Variants in CHST11 observed in about 807,000 individuals in gnomAD.
CHST11 encodes the protein C4S-1.
In CHST11, 9 loss-of-function variants were observed where a neutral mutation model predicts 30.4. The ratio of observed to expected loss-of-function variants is 0.30; its 90% CI spans 0.18 to 0.52. The LOEUF is 0.52. CHST11 is among the 20% of genes least tolerant of loss of function. The pLI is 0.97. For synonymous variants in CHST11, 152 were observed against 187.8 expected, an observed-to-expected ratio of 0.81 and a Z score of 1.56; for missense variants, 348 against 460.6, an observed-to-expected ratio of 0.76 and a Z score of 2.24.
intron 2 of CHST11, among the ~76,000 whole-genome samples, chr12:104,696,503 A>C (rs1005708938): frequency 7.4e-5 from 11 of 149,126 alleles, no homozygotes; most frequent in African/African-American, 1.8e-4. Context: ...AAAAAAAAAA[A>C]AAAACATAGC....
chr12:104,679,107 G>A (rs2039769373), intron 2 of CHST11, among the ~76,000 whole-genome samples: 2 of 152,134 alleles, frequency 1.3e-5, no homozygotes, highest in Non-Finnish European at 1.5e-5. Context: ...GACCTGTGAG[G>A]GTGGATGTTC....
chr12:104,686,590 A>G (rs943544281), intron 2 of CHST11, among the ~76,000 whole-genome samples: 16 of 152,336 alleles, frequency 1.1e-4, no homozygotes, highest in African/African-American at 3.8e-4. Flanking sequence ...AAAGTTACAA[A>G]GTAACTGCTA....
chr12:104,680,300 G>A (rs2039782301), intron 2 of CHST11, among the ~76,000 whole-genome samples: 1 of 152,256 alleles, frequency 6.6e-6, no homozygotes, highest in Non-Finnish European at 1.5e-5. Flanking sequence ...CAAATGCCAT[G>A]GGGACATCTC....
intron 2 of CHST11, among the ~76,000 whole-genome samples, chr12:104,696,775 A>G (rs910953629): frequency 7.2e-5 from 11 of 152,236 alleles, no homozygotes; most frequent in African/African-American, 2.4e-4. Context: ...AATTTACAAT[A>G]TAAATTCCAG....
intron 1 of CHST11, among the ~76,000 whole-genome samples, chr12:104,517,190 T>G (rs1391040508): frequency 6.6e-6 from 1 of 152,154 alleles, no homozygotes; most frequent in African/African-American, 2.4e-5. Flanking sequence ...AAATCTTGGG[T>G]GCACTGTAAG....
intron 2 of CHST11, among the ~76,000 whole-genome samples, chr12:104,606,084 A>G (rs1341317777): frequency 6.8e-6 from 1 of 147,646 alleles, no homozygotes; most frequent in Non-Finnish European, 1.5e-5. Flanking sequence ...TGCATAGGGC[A>G]CAGCAGATCC....
At chr12:104,479,751 T>C (rs2037601256) in intron 1 of CHST11, among the ~76,000 whole-genome samples, 1 of 152,262 alleles carries the variant, frequency 6.6e-6, no homozygotes, top group Non-Finnish European at 1.5e-5. Flanking sequence ...GCATGAACTT[T>C]TGATTCTGTT....
At chr12:104,516,680 ATTGGCCTCT>A (rs1415209301) in intron 1 of CHST11, among the ~76,000 whole-genome samples, 1 of 152,030 alleles carries the variant, frequency 6.6e-6, no homozygotes, top group African/African-American at 2.4e-5. Flanking sequence ...TCCATTGAAA[ATTGGCCTCT>A]TTGCCTGGGG....
chr12:104,621,573 A>C (rs975805560), intron 2 of CHST11, among the ~76,000 whole-genome samples: 1 of 152,248 alleles, frequency 6.6e-6, no homozygotes, highest in Non-Finnish European at 1.5e-5. Context: ...TAAGGGAGGC[A>C]GGAGTGTCAA....
chr12:104,460,389 C>T (rs1009720322), intron 1 of CHST11, among the ~76,000 whole-genome samples: 12 of 152,202 alleles, frequency 7.9e-5, no homozygotes, highest in South Asian at 2.1e-4. Context: ...GAAGGCAGGG[C>T]GCGGTGGCTC....
At chr12:104,654,007 T>C (rs980609690) in intron 2 of CHST11, among the ~76,000 whole-genome samples, 2 of 152,168 alleles carry the variant, frequency 1.3e-5, no homozygotes, top group Non-Finnish European at 2.9e-5. Context: ...GCCGTAGATA[T>C]GTGGTTGGTT....
chr12:104,557,062 A>T (rs1295901535), intron 1 of CHST11, among the ~76,000 whole-genome samples: 1 of 152,128 alleles, frequency 6.6e-6, no homozygotes, highest in Admixed American at 6.5e-5. Flanking sequence ...ACACTACTCC[A>T]GTATGACCTT....
intron 2 of CHST11, among the ~76,000 whole-genome samples, chr12:104,682,689 A>G (rs562611377): frequency 7.9e-5 from 12 of 152,362 alleles, no homozygotes; most frequent in African/African-American, 2.6e-4. Flanking sequence ...TAGCAATGGT[A>G]TCCTCCATAT....
At chr12:104,735,811 G>A (rs2040295686) in intron 2 of CHST11, among the ~76,000 whole-genome samples, 1 of 152,190 alleles carries the variant, frequency 6.6e-6, no homozygotes, top group African/African-American at 2.4e-5. Flanking sequence ...GGAAGGCAGT[G>A]GGGACTCGTC....
intron 1 of CHST11, among the ~76,000 whole-genome samples, chr12:104,532,127 G>A (rs994322255): frequency 6.6e-6 from 1 of 152,106 alleles, no homozygotes; most frequent in Non-Finnish European, 1.5e-5. Flanking sequence ...TCACACCCTG[G>A]CTTCCAGCCC....
At chr12:104,681,433 G>C (rs1566035848) in intron 2 of CHST11, among the ~76,000 whole-genome samples, 1 of 152,212 alleles carries the variant, frequency 6.6e-6, no homozygotes, top group Non-Finnish European at 1.5e-5. Context: ...ATAGGGCTTA[G>C]AAAGGGCATA....
chr12:104,605,136 T>C (rs1472093336), intron 2 of CHST11, among the ~76,000 whole-genome samples: 2 of 128,404 alleles, frequency 1.6e-5, no homozygotes, highest in Non-Finnish European at 3.2e-5. Context: ...TGGTGGGAGT[T>C]ACCCCATCCC....
chr12:104,499,573 T>C (rs2135973375), intron 1 of CHST11, among the ~76,000 whole-genome samples: 1 of 152,202 alleles, frequency 6.6e-6, no homozygotes, highest in East Asian at 1.9e-4. Flanking sequence ...CTTTGATAAA[T>C]AGATACAAAT....
intron 2 of CHST11, among the ~76,000 whole-genome samples, chr12:104,738,675 A>G (rs1375805477): frequency 6.6e-6 from 1 of 152,204 alleles, no homozygotes; most frequent in African/African-American, 2.4e-5. Flanking sequence ...CTCATTTTAC[A>G]GTGAGGAAAT....
Sources: allele counts gnomAD v4.1 joint callset (sites outside exome capture counted in the v4.1 genomes callset), GRCh38; gene constraint gnomAD v4.1.1; transcripts MANE v1.5; gene names NCBI Gene and HGNC (gene_info 2026-07-23, HGNC 2026-07-21).